REST: variants seen among roughly 807,000 people sequenced by gnomAD.
REST encodes RE1 silencing transcription factor.
In REST, 1 loss-of-function variant was observed where a neutral mutation model predicts 30.4. That is an observed-to-expected ratio of 0.03 (90% CI 0.01 to 0.16). The LOEUF (loss-of-function observed/expected upper bound fraction) is 0.16. Among genes scored for constraint, REST ranks in the 10% least tolerant of loss-of-function variants. The pLI is 1.00. For synonymous variants in REST, 504 were observed against 451.1 expected (o/e 1.12, Z -1.49); for missense variants, 1,259 against 1,329.5 (o/e 0.95, Z 0.82).
rs1368018517 is a variant in REST, at chr4:56,933,316, A to G, written c.*1164A>G. 6.6e-6 allele frequency: 1 copy of G among 152,234 alleles called. No individual in the cohort carries two copies. Among genetic ancestry groups the G allele is most frequent in the African/African-American group, 2.4e-5 (1 of 41,472 alleles). 9.4% of individuals were successfully genotyped at this position (152,234 alleles called of 1,614,324 possible). A position where few individuals can be genotyped will look rare whatever the true frequency, so the allele number is the denominator to read the frequency against. ...TGTTCATATGGCTACTTTACAATAA[A>G]GAGAACTGTAAGTGATATTTGGAAA... On this transcript the variant is annotated 3_prime_UTR_variant, in exon 4 of 4. Transcript: ENST00000309042.
chr4:56,921,144 A>G (rs553033930), intron 3 of REST, among the ~76,000 whole-genome samples: 25 of 152,144 alleles, frequency 1.6e-4, no homozygotes, highest in African/African-American at 5.8e-4. Context: ...GATTACAGTC[A>G]TGAGCCACCA....
chr4:56,924,997 C>G (rs1486888456), intron 3 of REST, among the ~76,000 whole-genome samples: 1 of 151,934 alleles, frequency 6.6e-6, no homozygotes, highest in Non-Finnish European at 1.5e-5. Flanking sequence ...GGTACCCCAT[C>G]TCTGCTAAAA....
chr4:56,923,302 C>G lies in REST; in HGVS notation c.982+3432C>G, dbSNP rs576514811. On this transcript the variant is annotated intron_variant, in intron 3 of 3. Coordinates refer to ENST00000309042, the MANE Select transcript of REST (RefSeq NM_005612.5). ...GTTGTTGTTTTTGGAGTTGGGGACT[C>G]TGCTGCGCAGGCTGGAATGCAGTGA... Among the ~76,000 whole-genome samples the G allele has an allele frequency of 1.6e-4, 25 of 152,320 alleles. 1 individual carries two copies. In the East Asian group the frequency reaches 4.2e-3, roughly 26 times the overall value.
In REST at chr4:56,931,545, AAGT is replaced by A. The variant is rs766787825; in HGVS notation, c.2690_2692del (p.Val897del). The A allele has an allele frequency of 1.2e-6, 2 of 1,614,242 alleles. No homozygotes were observed. Among genetic ancestry groups the A allele is most frequent in the East Asian group, 2.2e-5 (1 of 44,886 alleles). Reference sequence around the variant, plus strand: ...GGAAATAAAGAAGCCCCTCTTCAGAAAGTAGGAGCAGAAGAGGCAGATGAGAGC... The same window carrying A: ...GGAAATAAAGAAGCCCCTCTTCAGAAAGGAGCAGAAGAGGCAGATGAGAGC... On this transcript the variant is annotated inframe_deletion, in exon 4 of 4. Coordinates refer to ENST00000309042, the MANE Select transcript of REST (RefSeq NM_005612.5).
At chr4:56,921,296 A>G (rs1720439726) in intron 3 of REST, among the ~76,000 whole-genome samples, 1 of 152,236 alleles carries the variant, frequency 6.6e-6, no homozygotes, top group South Asian at 2.1e-4. Flanking sequence ...GATCTGTGCT[A>G]TTCGCTTGAG....
intron 1 of REST, 37 bp downstream of exon 1, chr4:56,908,250 G>A (rs555971601): frequency 1.3e-5 from 3 of 231,540 alleles, no homozygotes; most frequent in South Asian, 1.8e-4. Flanking sequence ...CGGTCAGGGT[G>A]GGGGAGGGCC....
chr4:56,909,773 T>G (rs1719810233), intron 1 of REST, among the ~76,000 whole-genome samples: 1 of 152,218 alleles, frequency 6.6e-6, no homozygotes, highest in Non-Finnish European at 1.5e-5. Flanking sequence ...CAACTTGTTT[T>G]GAAGAAGGTG....
intron 2 of REST, among the ~76,000 whole-genome samples, chr4:56,916,595 C>A (rs1339436233): frequency 6.6e-6 from 1 of 152,096 alleles, no homozygotes; most frequent in Non-Finnish European, 1.5e-5. Flanking sequence ...CAAAATCGCG[C>A]CACTGCACTC....
intron 3 of REST, among the ~76,000 whole-genome samples, chr4:56,924,827 A>G (rs1258662172): frequency 1.3e-5 from 2 of 152,040 alleles, no homozygotes; most frequent in African/African-American, 4.8e-5. Flanking sequence ...ACTTCATTTT[A>G]TTGCTGGTAA....
chr4:56,918,442 AC>A (rs1161035681), intron 2 of REST, among the ~76,000 whole-genome samples: 1 of 152,024 alleles, frequency 6.6e-6, no homozygotes, highest in African/African-American at 2.4e-5. Flanking sequence ...TGCAGAAGCT[AC>A]GTTCATGCCA....
At chr4:56,910,351 G>T (rs1041798143) in intron 1 of REST, among the ~76,000 whole-genome samples, 1 of 152,172 alleles carries the variant, frequency 6.6e-6, no homozygotes, top group African/African-American at 2.4e-5. Context: ...TGCTTGAGGA[G>T]GCACCACATG....
chr4:56,929,177 C>T (rs1312715228), intron 3 of REST, among the ~76,000 whole-genome samples: 1 of 151,634 alleles, frequency 6.6e-6, no homozygotes, highest in African/African-American at 2.4e-5. Context: ...AAGCAATTCT[C>T]GTGTCTCAGC....
chr4:56,926,682 A>C (rs568987225), intron 3 of REST, among the ~76,000 whole-genome samples: 43 of 152,026 alleles, frequency 2.8e-4, no homozygotes, highest in Non-Finnish European at 5.7e-4. Context: ...AAAGTTACCA[A>C]TTGGTTCCAA....
chr4:56,922,099 T>C (rs1720478335), intron 3 of REST, among the ~76,000 whole-genome samples: 1 of 152,114 alleles, frequency 6.6e-6, no homozygotes, highest in African/African-American at 2.4e-5. Context: ...AGTGTTTTTT[T>C]CCTAAATCTA....
intron 3 of REST, among the ~76,000 whole-genome samples, chr4:56,927,331 C>T (rs989351335): frequency 6.6e-5 from 10 of 152,312 alleles, no homozygotes; most frequent in Middle Eastern, 3.4e-3. Flanking sequence ...AGTAATGTAG[C>T]ATGTTGTAGA....
chr4:56,910,362 C>CCAGT (rs1407448167), intron 1 of REST, among the ~76,000 whole-genome samples: 1 of 152,138 alleles, frequency 6.6e-6, no homozygotes, highest in Non-Finnish European at 1.5e-5. Flanking sequence ...GCACCACATG[C>CCAGT]CAGTGGCTGA....
chr4:56,916,739 C>T (rs1316395894), intron 2 of REST, among the ~76,000 whole-genome samples: 2 of 152,228 alleles, frequency 1.3e-5, no homozygotes, highest in Non-Finnish European at 2.9e-5. Context: ...ATACAGTTTA[C>T]ATATGCAGTT....
chr4:56,915,032 A>G (rs1200666294), intron 2 of REST, among the ~76,000 whole-genome samples: 2 of 140,290 alleles, frequency 1.4e-5, no homozygotes, highest in African/African-American at 5.4e-5. Context: ...ACAAGCAATT[A>G]TCCTGCCTCA....
chr4:56,923,768 C>A (rs533819616), intron 3 of REST, among the ~76,000 whole-genome samples: 1 of 151,918 alleles, frequency 6.6e-6, no homozygotes, highest in Admixed American at 6.6e-5. Context: ...GTCGCCCAGG[C>A]TGGAGTGCAA....
Sources: allele counts gnomAD v4.1 joint callset (sites outside exome capture counted in the v4.1 genomes callset), GRCh38; gene constraint gnomAD v4.1.1; transcripts MANE v1.5; gene names NCBI Gene and HGNC (gene_info 2026-07-23, HGNC 2026-07-21).